TLN2: variants seen among roughly 807,000 people sequenced by gnomAD.
TLN2 encodes the protein talin-2.
TLN2 carries 118 observed loss-of-function variants against 294.7 expected under a neutral mutation model. The observed-to-expected ratio is 0.40, with a 90% confidence interval of 0.34 to 0.47. The LOEUF (loss-of-function observed/expected upper bound fraction) is 0.47. Among genes scored for constraint, TLN2 ranks in the 20% least tolerant of loss-of-function variants. The probability of loss-of-function intolerance (pLI) is 0.84; values close to 1 mark genes in which losing one functional copy is unlikely to be tolerated. For missense variants in TLN2, 3,083 were observed against 3,282.2 expected, an observed-to-expected ratio of 0.94 and a Z score of 1.48; for synonymous variants, 1,431 against 1,304.5, an observed-to-expected ratio of 1.10 and a Z score of -2.09.
chr15:62,523,267 C>T (rs2040563990), intron 1 of TLN2, among the ~76,000 whole-genome samples: 1 of 152,176 alleles, frequency 6.6e-6, no homozygotes, highest in South Asian at 2.1e-4. Context: ...GTTTAGCTGA[C>T]ATATGACTTA....
intron 46 of TLN2, 26 bp from the exon 47 acceptor site, chr15:62,796,101 C>T: frequency 1.2e-6 from 2 of 1,609,256 alleles, no homozygotes; most frequent in Non-Finnish European, 1.7e-6. Context: ...TTCTTAGCTC[C>T]CCTCACATTC....
chr15:62,679,030 C>CT (rs71131118), intron 11 of TLN2, among the ~76,000 whole-genome samples: 1,947 of 132,422 alleles, frequency 0.015, 51 homozygotes, highest in African/African-American at 0.049. Context: ...TATACCAAGT[C>CT]TTTTTTTTTT....
At chr15:62,440,351 G>A (rs570585012) in intron 1 of TLN2, among the ~76,000 whole-genome samples, 1 of 152,270 alleles carries the variant, frequency 6.6e-6, no homozygotes, top group East Asian at 1.9e-4. Context: ...AGACCAAATT[G>A]TCCCTAATTC....
At chr15:62,395,686 A>G (rs1335795551) in intron 1 of TLN2, among the ~76,000 whole-genome samples, 4 of 152,184 alleles carry the variant, frequency 2.6e-5, no homozygotes, top group East Asian at 1.9e-4. Context: ...GAAGCAACAA[A>G]TGTTCATCAG....
chr15:62,754,984 C>G (rs950001028), intron 36 of TLN2: 3 of 152,416 alleles, frequency 2.0e-5, no homozygotes, highest in African/African-American at 7.2e-5. Flanking sequence ...TGAAATGGAA[C>G]TAGTCCAAAC....
In TLN2 at chr15:62,491,333, AAAAAAT is replaced by A. The variant is rs1200174631; in HGVS notation, c.-237-98352_-237-98347del. Among the ~76,000 whole-genome samples, 37 of 67,518 alleles carry A rather than the reference AAAAAAT, an allele frequency of 5.5e-4. 1 individual carries two copies. Among genetic ancestry groups the A allele is most frequent in the African/African-American group, 2.0e-3 (33 of 16,524 alleles). 44.3% of individuals were successfully genotyped at this position (67,518 alleles called of 152,430 possible). A position where few individuals can be genotyped will look rare whatever the true frequency, so the allele number is the denominator to read the frequency against. On this transcript the variant is annotated intron_variant, in intron 1 of 58. Coordinates refer to ENST00000636159, the MANE Select transcript of TLN2 (RefSeq NM_015059.3). ...CAGAGCAAGACTCTGTCTCAAAAAA[AAAAAAT>A]ATATATATATATACACACACACACA... is the stretch of plus-strand genomic sequence containing the variant.
chr15:62,701,261 C>CTA (rs2058702912), intron 17 of TLN2, 47 bp downstream of exon 17: 2 of 1,446,964 alleles, frequency 1.4e-6, no homozygotes. Flanking sequence ...TGTTTAAAAG[C>CTA]TGTGTTTTTT....
At chr15:62,738,442 A>T in intron 30 of TLN2, 109 bp downstream of exon 30, 1 of 1,331,270 alleles carries the variant, frequency 7.5e-7, no homozygotes. Flanking sequence ...CCCTTCCTTT[A>T]GGAGTCCTGT....
At chr15:62,769,725 C>A (rs1188413203) in intron 41 of TLN2, among the ~76,000 whole-genome samples, 1 of 151,990 alleles carries the variant, frequency 6.6e-6, no homozygotes, top group Non-Finnish European at 1.5e-5. Context: ...CTGTCCACAT[C>A]CCCACAACAC....
intron 52 of TLN2, among the ~76,000 whole-genome samples, chr15:62,817,929 C>T (rs985681537): frequency 2.7e-5 from 4 of 150,084 alleles, no homozygotes; most frequent in African/African-American, 9.8e-5. Flanking sequence ...CCTGCCTCAA[C>T]CTCCTGAATA....
At chr15:62,720,336 G>C (rs961963131) in intron 25 of TLN2, among the ~76,000 whole-genome samples, 1 of 152,142 alleles carries the variant, frequency 6.6e-6, no homozygotes, top group Non-Finnish European at 1.5e-5. Context: ...AGTCTCTGTG[G>C]GGTGAAGGGT....
rs904574046 is a variant in TLN2, at chr15:62,811,740, C to T, written c.6771+1708C>T. Reference sequence around the variant, plus strand: ...ATGCCTTATTAATATCTGCCGAGTGCGGTGGCTCATGCCTGAATCCCAGCA... The same window carrying T: ...ATGCCTTATTAATATCTGCCGAGTGTGGTGGCTCATGCCTGAATCCCAGCA... On this transcript the variant is annotated intron_variant, in intron 52 of 58. Transcript: ENST00000636159. Among the ~76,000 whole-genome samples, 8 of 152,026 alleles carry T rather than the reference C, an allele frequency of 5.3e-5. No individual in the cohort carries two copies. The South Asian group carries it at 6.2e-4, about 12-fold the overall frequency.
intron 1 of TLN2, among the ~76,000 whole-genome samples, chr15:62,480,189 C>G (rs1323911331): frequency 6.6e-6 from 1 of 152,094 alleles, no homozygotes; most frequent in Admixed American, 6.5e-5. Context: ...CTTCCTATAA[C>G]AGATTTTGTT....
chr15:62,625,231 A>G (rs937700510), intron 3 of TLN2, among the ~76,000 whole-genome samples: 7 of 152,116 alleles, frequency 4.6e-5, no homozygotes, highest in Admixed American at 3.3e-4. Flanking sequence ...ACTCAGGCCC[A>G]TGACCTACTT....
chr15:62,468,251 G>A (rs567196433), intron 1 of TLN2, among the ~76,000 whole-genome samples: 1 of 152,246 alleles, frequency 6.6e-6, no homozygotes, highest in Non-Finnish European at 1.5e-5. Flanking sequence ...TAGGAAATGA[G>A]CCAGAGGGTA....
chr15:62,536,051 A>G (rs1368588815), intron 1 of TLN2, among the ~76,000 whole-genome samples: 1 of 152,106 alleles, frequency 6.6e-6, no homozygotes, highest in Non-Finnish European at 1.5e-5. Flanking sequence ...ATTTATTATT[A>G]TTGTTACTAT....
At position 62,781,381 on chromosome 15, in the gene TLN2, C is replaced by T. The variant is rs188564594; in HGVS notation, c.5616+140C>T. The T allele has an allele frequency of 4.8e-6, 3 of 625,460 alleles. No homozygotes were observed. In the East Asian group the frequency reaches 8.2e-5, roughly 17 times the overall value. 38.7% of individuals were successfully genotyped at this position (625,460 alleles called of 1,614,324 possible). On this transcript the variant is annotated intron_variant, in intron 44 of 58. Transcript: ENST00000636159. ...TCCCTCAGGGGCTCCAGCTTCTGTC[C>T]TTTATCTGTGGTCTTTCTGGCTGCC... is the stretch of plus-strand genomic sequence containing the variant.
intron 28 of TLN2, among the ~76,000 whole-genome samples, chr15:62,731,295 CCCACCTCTTGGTTTTTCAG>C (rs2060711129): frequency 6.7e-6 from 1 of 148,870 alleles, no homozygotes; most frequent in African/African-American, 2.5e-5. Flanking sequence ...TTTTTTTTTT[CCCACCTCTTGGTTTTTCAG>C]CCATTGGTTT....
intron 1 of TLN2, among the ~76,000 whole-genome samples, chr15:62,487,830 G>C (rs1347866512): frequency 6.6e-6 from 1 of 152,120 alleles, no homozygotes; most frequent in Non-Finnish European, 1.5e-5. Context: ...ATGAACCTGG[G>C]AGGCGGAGGT....
Sources: allele counts gnomAD v4.1 joint callset (sites outside exome capture counted in the v4.1 genomes callset), GRCh38; gene constraint gnomAD v4.1.1; transcripts MANE v1.5; gene names NCBI Gene and HGNC (gene_info 2026-07-23, HGNC 2026-07-21).